ATP5MG: variants seen among roughly 807,000 people sequenced by gnomAD.
The protein encoded by ATP5MG is ATP synthase membrane subunit g.
A neutral mutation model predicts 12.7 loss-of-function variants in ATP5MG; 7 were observed. The ratio of observed to expected loss-of-function variants is 0.55; its 90% confidence interval spans 0.31 to 1.04. The LOEUF (loss-of-function observed/expected upper bound fraction) is 1.04. ATP5MG is among the 50% of genes least tolerant of loss of function. The pLI, the probability that ATP5MG is intolerant of heterozygous loss-of-function variation, is 0.05. For synonymous variants in ATP5MG, 53 were observed against 48.2 expected (o/e 1.10, Z -0.41); for missense variants, 116 against 126.7 (o/e 0.92, Z 0.41).
chr11:118,407,794 C>T (rs1405342577), intron 2 of ATP5MG, among the ~76,000 whole-genome samples: 4 of 152,010 alleles, frequency 2.6e-5, no homozygotes, highest in African/African-American at 9.7e-5. Context: ...ATCGCTTGAG[C>T]CCAGGAGTTA....
chr11:118,405,647 C>A (rs773021678), intron 1 of ATP5MG: 55 of 984,562 alleles, frequency 5.6e-5, no homozygotes, highest in Middle Eastern at 1.0e-3. Context: ...TTTATTGTCC[C>A]ATCTTTCAGG....
intron 1 of ATP5MG, among the ~76,000 whole-genome samples, chr11:118,403,666 G>A (rs1005457455): frequency 1.3e-5 from 2 of 151,064 alleles, no homozygotes; most frequent in African/African-American, 2.4e-5. Context: ...GGTGGCAGGC[G>A]CCTATAATCC....
intron 1 of ATP5MG, among the ~76,000 whole-genome samples, chr11:118,403,487 C>G (rs1948947023): frequency 7.2e-6 from 1 of 139,256 alleles, no homozygotes. Flanking sequence ...CGAAGCGAGG[C>G]TAGGTCTCAA....
In ATP5MG at chr11:118,401,623, T is replaced by G. The variant is rs782515743; in HGVS notation, c.-43T>G. On this transcript the variant is annotated 5_prime_UTR_variant, in exon 1 of 3. Transcript: ENST00000300688. The stretch of plus-strand genomic sequence containing the variant: ...CAGCGGGTCCTTCCGGCGGGTGACA[T>G]TCAGCCGGCGGTTCGGGGCGACGGA... 1 of 1,613,234 alleles carries G rather than the reference T, an allele frequency of 6.2e-7. No individual in the cohort carries two copies. Among genetic ancestry groups the G allele is most frequent in the Admixed American group, 1.7e-5 (1 of 60,000 alleles).
chr11:118,407,419 T>C, intron 2 of ATP5MG: 1 of 225,212 alleles, frequency 4.4e-6, no homozygotes, highest in Non-Finnish European at 8.9e-6. Context: ...GAGTCTGTAC[T>C]TTTTTCATCT....
intron 1 of ATP5MG, chr11:118,405,533 G>A (rs1470490817): frequency 2.0e-6 from 1 of 511,284 alleles, no homozygotes; most frequent in Non-Finnish European, 2.5e-6. Flanking sequence ...CTAAAATATT[G>A]TTTATGTACA....
chr11:118,403,032 C>T (rs1357455976), intron 1 of ATP5MG, among the ~76,000 whole-genome samples: 1 of 152,178 alleles, frequency 6.6e-6, no homozygotes, highest in Admixed American at 6.5e-5. Flanking sequence ...CCCTTCCCTC[C>T]ATCACCAGCC....
intron 2 of ATP5MG, among the ~76,000 whole-genome samples, chr11:118,407,669 A>C (rs1948984388): frequency 6.6e-6 from 1 of 151,904 alleles, no homozygotes. Flanking sequence ...GAAGTTCAAG[A>C]CCAGCCTGGA....
At chr11:118,402,887 C>T (rs113839182) in intron 1 of ATP5MG, among the ~76,000 whole-genome samples, 3,783 of 151,784 alleles carry the variant, frequency 0.025, 70 homozygotes, top group Non-Finnish European at 0.037. Context: ...TTTTAAGAGA[C>T]GGGATTTCAC....
At position 118,402,846 on chromosome 11, in the gene ATP5MG, C is replaced by A. The variant is rs187375334; in HGVS notation, c.52+1129C>A. Among the ~76,000 whole-genome samples, 157 of 151,946 alleles carry A rather than the reference C, an allele frequency of 1.0e-3. 2 individuals are homozygous for A. Among genetic ancestry groups the A allele is most frequent in the South Asian group, 6.3e-3 (30 of 4,800 alleles). On this transcript the variant is annotated intron_variant, in intron 1 of 2. Coordinates refer to ENST00000300688, the MANE Select transcript of ATP5MG (RefSeq NM_006476.5). ...TCCTGAGTAGCTGGGATCACAGGCA[C>A]GCACCACCACACCCAGCTAATTTTT...
chr11:118,405,639 T>A (rs1167456590), intron 1 of ATP5MG: 4 of 985,056 alleles, frequency 4.1e-6, no homozygotes, highest in Non-Finnish European at 4.8e-6. Context: ...GCTTTTTTTT[T>A]ATTGTCCCAT....
Position 118,401,775 on chromosome 11 carries a change from G to A in ATP5MG, c.52+58G>A, listed in dbSNP as rs1555131131. ...CACGGGCGGCAGGGAGGCCTGCGAT[G>A]GCCTGAGAGGAAGAAGCGGGCTGCG... On this transcript the variant is annotated intron_variant, in intron 1 of 2. Transcript: ENST00000300688. The A allele has an allele frequency of 1.9e-6, 3 of 1,583,048 alleles. No individual in the cohort carries two copies. In the East Asian group the frequency reaches 6.8e-5, roughly 36 times the overall value.
In ATP5MG at chr11:118,408,996, TCAGGAAGC is replaced by T; in HGVS notation, c.214-3_218del. ...TACCTTAAAATGTATGCTTCTTTTTTCAGGAAGCTGTGCTGAATGGTTTGGTGGCCACT... is the reference window on the plus strand; with the variant it reads ...TACCTTAAAATGTATGCTTCTTTTTTTGTGCTGAATGGTTTGGTGGCCACT... On this transcript the variant is annotated splice_acceptor_variant and splice_polypyrimidine_tract_variant and coding_sequence_variant and intron_variant, in exon 3 of 3. Transcript: ENST00000300688. LOFTEE classifies it high-confidence loss of function. 1 of 1,555,492 alleles carries T rather than the reference TCAGGAAGC, an allele frequency of 6.4e-7. No homozygotes were observed. Among genetic ancestry groups the T allele is most frequent in the Non-Finnish European group, 8.7e-7 (1 of 1,147,636 alleles).
At position 118,403,827 on chromosome 11, in the gene ATP5MG, A is replaced by ATTAGAGGC. The variant is rs1382887346; in HGVS notation, c.52+2113_52+2120dup. On this transcript the variant is annotated intron_variant, in intron 1 of 2. Coordinates refer to ENST00000300688, the MANE Select transcript of ATP5MG (RefSeq NM_006476.5). ...AAAAAAAAACTAAAGAGAAAAAAGG[A>ATTAGAGGC]TTAGAGGCTTCACTCTGGACTTTGT... 1.4e-4 allele frequency: 21 copies of ATTAGAGGC among 150,816 alleles called. No homozygotes were observed. The East Asian group carries it at 2.7e-3, about 20-fold the overall frequency. 9.3% of individuals were successfully genotyped at this position (150,816 alleles called of 1,614,324 possible). A position where few individuals can be genotyped will look rare whatever the true frequency, so the allele number is the denominator to read the frequency against.
At chr11:118,408,949 A>AT in intron 2 of ATP5MG, 51 bp from the exon 3 acceptor site, 1 of 456,666 alleles carries the variant, frequency 2.2e-6, no homozygotes, top group Non-Finnish European at 3.4e-6. Flanking sequence ...ATATATATAT[A>AT]ATTATATATA....
At chr11:118,405,573 G>T in intron 1 of ATP5MG, 1 of 789,916 alleles carries the variant, frequency 1.3e-6, no homozygotes, top group Non-Finnish European at 1.5e-6. Flanking sequence ...TTTTAAGGAT[G>T]AAATGTCTGT....
chr11:118,401,817 G>C (rs1948929793), intron 1 of ATP5MG, 100 bp downstream of exon 1: 1 of 1,422,160 alleles, frequency 7.0e-7, no homozygotes, highest in Non-Finnish European at 9.5e-7. Flanking sequence ...CGAGGGGCCT[G>C]CGGGTGCCGG....
chr11:118,402,375 C>G (rs1032120348), intron 1 of ATP5MG, among the ~76,000 whole-genome samples: 16 of 152,054 alleles, frequency 1.1e-4, no homozygotes, highest in African/African-American at 3.9e-4. Flanking sequence ...GCTTGAAGAG[C>G]CTCACTGGTA....
At position 118,401,700 on chromosome 11, in the gene ATP5MG, C is replaced by T. The variant is rs143462383; in HGVS notation, c.35C>T (p.Thr12Ile). 1.2e-6 allele frequency: 2 copies of T among 1,613,446 alleles called. No individual in the cohort carries two copies. The highest frequency in any genetic ancestry group is 1.3e-5 in the African/African-American group (1 of 74,892). Residue 12 changes from threonine (T) to isoleucine (I), a missense_variant, in exon 1 of 3, where the codon ACC (threonine) becomes ATC (isoleucine). Transcript: ENST00000300688. ...AQFVRNLVEK[T>I]PALVNAAVTY... ...TTTGTCCGTAACCTTGTGGAGAAGA[C>T]CCCGGCGCTGGTGAACGGTGAGCGC... is the stretch of plus-strand genomic sequence containing the variant.
Sources: gnomAD v4.1 joint callset for allele counts (sites outside exome capture counted in the v4.1 genomes callset) on GRCh38, gnomAD v4.1.1 for gene constraint, MANE v1.5 for transcripts, NCBI Gene and HGNC (gene_info 2026-07-23, HGNC 2026-07-21) for gene names.